The following TUT4 variants were observed in gnomAD, a reference collection of about 807,000 sequenced individuals.
The protein encoded by TUT4 is terminal uridylyl transferase 4.
TUT4 carries 36 observed loss-of-function variants against 192.2 expected under a neutral mutation model. That is an observed-to-expected ratio of 0.19 (90% confidence interval 0.14 to 0.25). The LOEUF is 0.25. Among genes scored for constraint, TUT4 ranks in the 10% least tolerant of loss-of-function variants. The pLI, the probability that TUT4 is intolerant of heterozygous loss-of-function variation, is 1.00. For missense variants in TUT4, 1,493 were observed against 1,957.2 expected (o/e 0.76, Z 4.47); for synonymous variants, 618 against 666.0 (o/e 0.93, Z 1.11).
At chr1:52,432,746 T>C (rs1249759382) in intron 27 of TUT4, 2 of 152,060 alleles carry the variant, frequency 1.3e-5, no homozygotes, top group Non-Finnish European at 2.9e-5. Flanking sequence ...CATGTCGAAA[T>C]CCCATCTTTA....
At chr1:52,463,133 T>C (rs1663088112) in intron 16 of TUT4, 16 of 982,562 alleles carry the variant, frequency 1.6e-5, no homozygotes, top group Non-Finnish European at 1.9e-5. Context: ...TTATTTTCAT[T>C]GTTTCAACTT....
At chr1:52,425,154 C>G in intron 29 of TUT4, 195 bp downstream of exon 29, 1 of 511,682 alleles carries the variant, frequency 2.0e-6, no homozygotes. Context: ...GTCTGGCTTT[C>G]CTAATAAAGT....
At chr1:52,471,834 T>A (rs1665860378) in intron 14 of TUT4, 118 bp downstream of exon 14, 2 of 1,041,834 alleles carry the variant, frequency 1.9e-6, no homozygotes, top group Non-Finnish European at 2.7e-6. Context: ...TGCTTGGGTA[T>A]CTATTCAAAA....
chr1:52,537,826 T>C (rs1685349180), intron 1 of TUT4, among the ~76,000 whole-genome samples: 1 of 152,016 alleles, frequency 6.6e-6, no homozygotes, highest in Non-Finnish European at 1.5e-5. Context: ...AGCAGGAAGA[T>C]CGCTTGAACC....
At chr1:52,481,678 T>C in intron 10 of TUT4, 43 bp from the exon 11 acceptor site, 1 of 954,842 alleles carries the variant, frequency 1.0e-6, no homozygotes, top group East Asian at 3.7e-5. Flanking sequence ...AAAAATTATT[T>C]AAAAAAAAAA....
chr1:52,447,011 C>T (rs1657711324), intron 20 of TUT4, among the ~76,000 whole-genome samples: 1 of 152,040 alleles, frequency 6.6e-6, no homozygotes, highest in Non-Finnish European at 1.5e-5. Context: ...ATCAAAGGAT[C>T]ACAGATATAA....
chr1:52,429,940 ATG>A (rs151084510), intron 28 of TUT4, among the ~76,000 whole-genome samples: 3,326 of 151,124 alleles, frequency 0.022, 107 homozygotes, highest in African/African-American at 0.075. Context: ...GTGTGTATAT[ATG>A]TGTGTGTGTG....
In TUT4 at chr1:52,446,578, T is replaced by C. The variant is rs369372366; in HGVS notation, c.3513+12A>G. ...TGAGCATTCTAGAACATAAAGACTA[T>C]TTTAAAATTACCAGTTCTTCTGTTT... On this transcript the variant is annotated intron_variant, in intron 21 of 29. Coordinates refer to ENST00000257177, the MANE Select transcript of TUT4 (RefSeq NM_001009881.3). The C allele has an allele frequency of 1.3e-6, 2 of 1,595,980 alleles. No homozygotes were observed. Among genetic ancestry groups the C allele is most frequent in the Non-Finnish European group, 8.5e-7 (1 of 1,171,974 alleles).
intron 7 of TUT4, 39 bp downstream of exon 7, chr1:52,493,571 AT>A (rs1428937258): frequency 7.5e-7 from 1 of 1,340,580 alleles, no homozygotes; most frequent in East Asian, 2.5e-5. Flanking sequence ...AGAAAGACAA[AT>A]TAAAAAAAAA....
intron 1 of TUT4, among the ~76,000 whole-genome samples, chr1:52,539,772 T>C (rs1455095260): frequency 2.0e-5 from 3 of 151,552 alleles, no homozygotes; most frequent in Non-Finnish European, 4.4e-5. Flanking sequence ...CTGGGAGTGG[T>C]GGCTCACGTC....
Position 52,431,440 on chromosome 1 carries a change from A to G in TUT4, c.4284T>C (p.Ser1428=). 1 of 1,604,140 alleles carries G rather than the reference A, an allele frequency of 6.2e-7. No individual in the cohort carries two copies. The change falls in exon 28 of 30, where the codon TCT becomes TCC. Residue 1428 remains serine, a synonymous_variant. Transcript: ENST00000257177. ...SSECSESPSY[S]PQPQPFPQNS... ...TCTGTGGAAATGGCTGAGGCTGAGG[A>G]GAATAAGATGGTGATTCAGACTGCA...
intron 24 of TUT4, among the ~76,000 whole-genome samples, chr1:52,439,951 A>C (rs1170287877): frequency 6.6e-6 from 1 of 152,224 alleles, no homozygotes; most frequent in Non-Finnish European, 1.5e-5. Flanking sequence ...AAGGGAATGA[A>C]GTATTGATAC....
intron 14 of TUT4, among the ~76,000 whole-genome samples, chr1:52,469,617 G>A (rs932663656): frequency 2.6e-5 from 4 of 152,068 alleles, no homozygotes; most frequent in South Asian, 2.1e-4. Flanking sequence ...CAGGCTGTGC[G>A]CCGTGGCTCA....
intron 4 of TUT4, among the ~76,000 whole-genome samples, chr1:52,498,824 T>C (rs1307473920): frequency 3.4e-5 from 5 of 145,070 alleles, no homozygotes; most frequent in Non-Finnish European, 6.0e-5. Flanking sequence ...GAGGTGGAGC[T>C]TGCAGTGAGT....
chr1:52,441,135 T>C (rs1655386989), intron 24 of TUT4, among the ~76,000 whole-genome samples: 1 of 152,066 alleles, frequency 6.6e-6, no homozygotes, highest in East Asian at 1.9e-4. Context: ...AAAGAAGAGA[T>C]ACCTATAGAT....
chr1:52,477,945 A>T, intron 11 of TUT4, 63 bp from the exon 12 acceptor site: 1 of 1,423,946 alleles, frequency 7.0e-7, no homozygotes, highest in East Asian at 2.3e-5. Context: ...ACAAATTTTC[A>T]GTTAGAGAAG....
chr1:52,490,888 A>G (rs1176449979), intron 7 of TUT4, 87 bp from the exon 8 acceptor site: 43 of 1,100,374 alleles, frequency 3.9e-5, no homozygotes, highest in Non-Finnish European at 5.2e-5. Flanking sequence ...TTTCCTTCTG[A>G]AAATTATTCT....
intron 7 of TUT4, 98 bp downstream of exon 7, chr1:52,493,513 G>T: frequency 2.5e-6 from 2 of 788,362 alleles, no homozygotes; most frequent in South Asian, 1.7e-5. Flanking sequence ...TATGCCAGCA[G>T]TTTAGTTTTA....
intron 1 of TUT4, among the ~76,000 whole-genome samples, chr1:52,539,867 T>C (rs187791106): frequency 5.7e-4 from 85 of 149,688 alleles, no homozygotes; most frequent in African/African-American, 1.5e-3. Flanking sequence ...GATTATGCCA[T>C]TGCACTTTGG....
Sources: allele counts gnomAD v4.1 joint callset (sites outside exome capture counted in the v4.1 genomes callset), GRCh38; gene constraint gnomAD v4.1.1; transcripts MANE v1.5; gene names NCBI Gene and HGNC (gene_info 2026-07-23, HGNC 2026-07-21).